The following AFM variants were observed in gnomAD, a reference collection of about 807,000 sequenced individuals.
AFM encodes alpha-Alb.
AFM carries 82 observed loss-of-function variants against 68.7 expected under a neutral mutation model. The ratio of observed to expected loss-of-function variants is 1.19; its 90% CI spans 1.00 to 1.43. The LOEUF is 1.43. Among genes scored for constraint, AFM ranks in the 40% most tolerant of loss-of-function variants. AFM has a pLI of 0.00. For missense variants in AFM, 772 were observed against 701.8 expected, an observed-to-expected ratio of 1.10 and a Z score of -1.13; for synonymous variants, 250 against 234.2, an observed-to-expected ratio of 1.07 and a Z score of -0.61.
chr4:73,493,383 G>A (rs576196877), intron 8 of AFM, among the ~76,000 whole-genome samples: 2 of 152,294 alleles, frequency 1.3e-5, no homozygotes, highest in East Asian at 1.9e-4. Context: ...CAGGTTTTGT[G>A]AGAAAGATAA....
At chr4:73,489,116 T>C (rs752938533) in intron 7 of AFM, among the ~76,000 whole-genome samples, 1 of 152,230 alleles carries the variant, frequency 6.6e-6, no homozygotes, top group Non-Finnish European at 1.5e-5. Context: ...TTTCAAGGAA[T>C]GACTTGTTAA....
chr4:73,494,584 CA>C (rs1180072526), intron 8 of AFM, among the ~76,000 whole-genome samples: 1 of 152,140 alleles, frequency 6.6e-6, no homozygotes, highest in African/African-American at 2.4e-5. Context: ...AGTTGTAAAA[CA>C]GTACATATTT....
At chr4:73,482,252 C>T (rs1468049459) in intron 1 of AFM, among the ~76,000 whole-genome samples, 1 of 152,188 alleles carries the variant, frequency 6.6e-6, no homozygotes, top group Non-Finnish European at 1.5e-5. Context: ...TATTTCCCAA[C>T]TATATCTTTA....
chr4:73,486,712 C>G (rs1448030246), intron 4 of AFM, among the ~76,000 whole-genome samples: 3 of 152,198 alleles, frequency 2.0e-5, no homozygotes, highest in Non-Finnish European at 2.9e-5. Flanking sequence ...TTGGAGTTAG[C>G]AACTTCAATG....
chr4:73,487,538 G>T (rs1364869728), intron 5 of AFM, among the ~76,000 whole-genome samples, 186 bp from the exon 6 acceptor site: 1 of 152,120 alleles, frequency 6.6e-6, no homozygotes, highest in East Asian at 1.9e-4. Context: ...AGCAAGACTG[G>T]TCCTACCTTT....
intron 6 of AFM, 90 bp from the exon 7 acceptor site, chr4:73,488,540 T>C (rs1720975326): frequency 1.7e-6 from 2 of 1,152,472 alleles, no homozygotes; most frequent in Non-Finnish European, 2.4e-6. Flanking sequence ...CAATACTTTT[T>C]GTAGCTATTC....
rs1721456425 is a variant in AFM at position 73,502,793 on chromosome 4, T to C, written c.1780-257T>C. Among the ~76,000 whole-genome samples, 4 of 152,310 alleles carry C rather than the reference T, an allele frequency of 2.6e-5. No individual in the cohort carries two copies. In the South Asian group the frequency reaches 8.3e-4, roughly 32 times the overall value. ...AATATACCTAATTTTAAGTAAAGGA[T>C]ATTAATCAATATCTAGCATTTATCT... is the stretch of plus-strand genomic sequence containing the variant. On this transcript the variant is annotated intron_variant, in intron 13 of 14. Coordinates refer to ENST00000226355, the MANE Select transcript of AFM (RefSeq NM_001133.2).
intron 10 of AFM, 23 bp downstream of exon 10, chr4:73,497,772 C>T (rs574145695): frequency 7.0e-7 from 1 of 1,423,128 alleles, no homozygotes; most frequent in Admixed American, 1.9e-5. Flanking sequence ...CACAAGTGGG[C>T]TAACACTTGC....
intron 1 of AFM, among the ~76,000 whole-genome samples, chr4:73,482,951 C>T (rs1000446180): frequency 6.6e-6 from 1 of 152,132 alleles, no homozygotes; most frequent in African/African-American, 2.4e-5. Flanking sequence ...CAAATGAAGC[C>T]CATACTCCTT....
rs543019507 is a variant in AFM, at chr4:73,488,639, G to A, written c.723G>A (p.Ala241=). The A allele has an allele frequency of 2.8e-5, 45 of 1,609,614 alleles. No individual in the cohort carries two copies. The highest frequency in any genetic ancestry group is 6.8e-5 in the Admixed American group (4 of 59,034). Residue 241 remains alanine (A), a synonymous_variant, in exon 7 of 15, where the codon GCG becomes GCA. Coordinates refer to ENST00000226355, the MANE Select transcript of AFM (RefSeq NM_001133.2). ...GTKVVHFIYI[A]ILSQKFPKIE... ...TCAATTCTCTTTCCAGATATATTGC[G>A]ATACTCAGTCAAAAATTCCCCAAGA...
chr4:73,483,861 T>TA, intron 1 of AFM, 80 bp from the exon 2 acceptor site: 2 of 1,219,232 alleles, frequency 1.6e-6, no homozygotes, highest in Non-Finnish European at 2.3e-6. Flanking sequence ...TTTATACACT[T>TA]AAATGCCATG....
intron 7 of AFM, 72 bp from the exon 8 acceptor site, chr4:73,491,800 C>T (rs1313941094): frequency 2.4e-6 from 3 of 1,230,960 alleles, no homozygotes; most frequent in Non-Finnish European, 2.3e-6. Flanking sequence ...ACTGGTTTTG[C>T]ATGCCATCAT....
Position 73,499,177 on chromosome 4 carries a change from C to A in AFM, c.1353C>A (p.Gly451=), listed in dbSNP as rs373342401. ...QLSTEELVSL[G]EKMVTAFTTC... ...CCACTGAAGAACTGGTGTCTCTTGG[C>A]GAGAAAATGGTGACAGCTTTCACTA... The change falls in exon 11 of 15, where the codon GGC becomes GGA. Residue 451 remains glycine, a synonymous_variant. Coordinates refer to ENST00000226355, the MANE Select transcript of AFM (RefSeq NM_001133.2). 4.3e-6 allele frequency: 7 copies of A among 1,612,760 alleles called. No homozygotes were observed. The highest frequency in any genetic ancestry group is 1.3e-5 in the African/African-American group (1 of 74,772).
At chr4:73,498,746 CATATATTGATTAA>C (rs1395463041) in intron 10 of AFM, among the ~76,000 whole-genome samples, 1 of 152,088 alleles carries the variant, frequency 6.6e-6, no homozygotes, top group African/African-American at 2.4e-5. Flanking sequence ...CCTTTTACAA[CATATATTGATTAA>C]ATTCTTTCTT....
chr4:73,503,814 A>G (rs772368329), intron 14 of AFM, 62 bp from the exon 15 acceptor site: 2 of 152,150 alleles, frequency 1.3e-5, no homozygotes. Context: ...TCGACTTTCT[A>G]TCACCCAACT....
At chr4:73,491,818 T>C (rs1410070816) in intron 7 of AFM, 54 bp from the exon 8 acceptor site, 4 of 1,481,928 alleles carry the variant, frequency 2.7e-6, no homozygotes, top group Middle Eastern at 1.8e-4. Context: ...CATTCCATAA[T>C]GGAAGAAAAC....
chr4:73,500,203 A>G lies in AFM; in HGVS notation c.1622A>G (p.Glu541Gly). 6.2e-7 allele frequency: 1 copy of G among 1,613,122 alleles called. No individual in the cohort carries two copies. The highest frequency in any genetic ancestry group is 8.5e-7 in the Non-Finnish European group (1 of 1,179,520). ...GCAGACATGTGTCAATCTCAGAATG[A>G]GGAGCTTCAGAGGAAGACAGACAGG... Reference protein sequence around the residue: ...FHADMCQSQNEELQRKTDRFL... With the variant: ...FHADMCQSQNGELQRKTDRFL... Residue 541 changes from glutamate to glycine, a missense_variant, in exon 12 of 15, where the codon GAG becomes GGG. By Grantham distance (98) the Glu-to-Gly change is moderately conservative. Coordinates refer to ENST00000226355, the MANE Select transcript of AFM (RefSeq NM_001133.2).
At chr4:73,484,438 TTCTC>T (rs776844593) in intron 3 of AFM, 48 bp downstream of exon 3, 1 of 1,253,486 alleles carries the variant, frequency 8.0e-7, no homozygotes. Context: ...ATGTCTTTCT[TTCTC>T]TTTCTTTCTT....
chr4:73,499,816 G>T (rs1721376433), intron 11 of AFM, among the ~76,000 whole-genome samples, 188 bp from the exon 12 acceptor site: 1 of 151,988 alleles, frequency 6.6e-6, no homozygotes, highest in African/African-American at 2.4e-5. Context: ...TTGGATTTTG[G>T]TCATAATGCC....
Sources: allele counts gnomAD v4.1 joint callset (sites outside exome capture counted in the v4.1 genomes callset), GRCh38; gene constraint gnomAD v4.1.1; transcripts MANE v1.5; gene names NCBI Gene and HGNC (gene_info 2026-07-23, HGNC 2026-07-21).